The following CHL1 variants were observed in gnomAD, a reference collection of about 807,000 sequenced individuals.
The protein encoded by CHL1 is cell adhesion molecule L1 like.
A neutral mutation model predicts 141.9 loss-of-function variants in CHL1; 96 were observed. The ratio of observed to expected loss-of-function variants is 0.68; its 90% CI spans 0.57 to 0.80. The LOEUF (loss-of-function observed/expected upper bound fraction) is 0.80. CHL1 is among the 30% of genes least tolerant of loss of function. The pLI, the probability that CHL1 is intolerant of heterozygous loss-of-function variation, is 0.00. For synonymous variants in CHL1, 613 were observed against 502.2 expected (o/e 1.22, Z -2.95); for missense variants, 1,820 against 1,457.2 (o/e 1.25, Z -4.05).
In CHL1 at chr3:244,653, A is replaced by T. The variant is rs1487986856; in HGVS notation, c.-134A>T. 6.6e-6 allele frequency: 1 copy of T among 152,240 alleles called. No individual in the cohort carries two copies. Among genetic ancestry groups the T allele is most frequent in the Non-Finnish European group, 1.5e-5 (1 of 68,032 alleles). The allele number at this position is 152,240 out of a possible 1,614,324, so 9.4% of individuals were successfully genotyped here. On this transcript the variant is annotated 5_prime_UTR_variant, in exon 2 of 28. Transcript: ENST00000256509. ...AACCATAATCCTGTCTTAATACTGC[A>T]AACAAATCATAGTGGAACTAAGGGG...
intron 2 of CHL1, among the ~76,000 whole-genome samples, chr3:303,291 T>C (rs749373433): frequency 1.4e-5 from 2 of 145,092 alleles, no homozygotes; most frequent in Non-Finnish European, 3.1e-5. Context: ...AAGTCACTGG[T>C]AGCTTGATGG....
chr3:389,485 C>T lies in CHL1; in HGVS notation c.2470+11C>T. Reference sequence around the variant, plus strand: ...ATTCTGGAGAAGACTGTAAGTGATGCACCTAAAACTGCTAAGCACGTCAGT... The same window carrying T: ...ATTCTGGAGAAGACTGTAAGTGATGTACCTAAAACTGCTAAGCACGTCAGT... On this transcript the variant is annotated intron_variant, in intron 20 of 27. Coordinates refer to ENST00000256509, the MANE Select transcript of CHL1 (RefSeq NM_006614.4). 1 of 1,593,810 alleles carries T rather than the reference C, an allele frequency of 6.3e-7. No homozygotes were observed. Among genetic ancestry groups the T allele is most frequent in the Non-Finnish European group, 8.6e-7 (1 of 1,161,862 alleles).
chr3:341,883 C>A, intron 6 of CHL1, 29 bp from the exon 7 acceptor site: 1 of 1,529,826 alleles, frequency 6.5e-7, no homozygotes, highest in Non-Finnish European at 8.9e-7. Context: ...GACAATTGCC[C>A]TTTTCAATGG....
At chr3:304,090 T>C (rs116294962) in intron 2 of CHL1, among the ~76,000 whole-genome samples, 2,468 of 151,912 alleles carry the variant, frequency 0.016, 27 homozygotes, top group Non-Finnish European at 0.025. Context: ...TCGTACCTGG[T>C]GGTAAGCTTT....
intron 3 of CHL1, among the ~76,000 whole-genome samples, chr3:323,390 T>C (rs1700750355): frequency 6.6e-6 from 1 of 152,130 alleles, no homozygotes; most frequent in African/African-American, 2.4e-5. Context: ...AATGCATCAA[T>C]GTTTGGAAGA....
chr3:349,993 C>T (rs1703105459), intron 10 of CHL1, among the ~76,000 whole-genome samples: 1 of 152,118 alleles, frequency 6.6e-6, no homozygotes, highest in African/African-American at 2.4e-5. Flanking sequence ...AGGCTCTTCA[C>T]CAAAGAAGTG....
At chr3:381,255 C>G (rs937207736) in intron 16 of CHL1, among the ~76,000 whole-genome samples, 2 of 152,040 alleles carry the variant, frequency 1.3e-5, no homozygotes, top group Admixed American at 1.3e-4. Context: ...AACCCCAGAC[C>G]CCAGAGCCTG....
At chr3:229,160 T>C (rs946001881) in intron 1 of CHL1, among the ~76,000 whole-genome samples, 2 of 152,192 alleles carry the variant, frequency 1.3e-5, no homozygotes, top group African/African-American at 4.8e-5. Context: ...TATTTTAAGG[T>C]GGTGTTACAT....
rs773660061 is a variant in CHL1, at chr3:311,989, A to G, written c.-94-7694A>G. On this transcript the variant is annotated intron_variant, in intron 2 of 27. Transcript: ENST00000256509. ...TGTGAAACAATTTGAATTAGATGTCATTACAGTATACTATTTTTTAAGAAT... is the reference window on the plus strand; with the variant it reads ...TGTGAAACAATTTGAATTAGATGTCGTTACAGTATACTATTTTTTAAGAAT... Among the ~76,000 whole-genome samples, 38 of 152,190 alleles carry G rather than the reference A, an allele frequency of 2.5e-4. 1 individual carries two copies. The highest frequency in any genetic ancestry group is 8.8e-5 in the Non-Finnish European group (6 of 68,022).
chr3:281,388 T>A (rs1413270308), intron 2 of CHL1, among the ~76,000 whole-genome samples: 2 of 152,152 alleles, frequency 1.3e-5, no homozygotes, highest in Non-Finnish European at 2.9e-5. Context: ...GGTTCCTTAT[T>A]TGCCTTCACC....
In CHL1 at chr3:407,446, C is replaced by T. The variant is rs1427387721; in HGVS notation, c.*1735C>T. 6.6e-6 allele frequency: 1 copy of T among 152,122 alleles called. No homozygotes were observed. Among genetic ancestry groups the T allele is most frequent in the Non-Finnish European group, 1.5e-5 (1 of 68,058 alleles). The allele number at this position is 152,122 out of a possible 1,614,324, so 9.4% of individuals were successfully genotyped here. On this transcript the variant is annotated 3_prime_UTR_variant, in exon 28 of 28. Coordinates refer to ENST00000256509, the MANE Select transcript of CHL1 (RefSeq NM_006614.4). The stretch of plus-strand genomic sequence containing the variant: ...TATTTAAAACTGTAATTTATGGGCT[C>T]AGGATCTGACCGCAGTCCCGGGAGT...
chr3:220,165 G>A (rs1700704888), intron 1 of CHL1, among the ~76,000 whole-genome samples: 1 of 152,156 alleles, frequency 6.6e-6, no homozygotes, highest in Non-Finnish European at 1.5e-5. Context: ...GAGGGTGGTT[G>A]ACGACTGACA....
intron 2 of CHL1, among the ~76,000 whole-genome samples, chr3:290,951 A>T (rs1351996038): frequency 1.3e-5 from 2 of 151,200 alleles, no homozygotes; most frequent in African/African-American, 4.9e-5. Context: ...AAAAAAAAAG[A>T]AAGAAAGAAA....
chr3:328,823 A>G (rs770001340), intron 5 of CHL1, among the ~76,000 whole-genome samples: 14 of 152,116 alleles, frequency 9.2e-5, no homozygotes, highest in Non-Finnish European at 2.1e-4. Flanking sequence ...CATTTTGGTC[A>G]AAGAGTCTGG....
intron 5 of CHL1, among the ~76,000 whole-genome samples, chr3:332,292 T>G (rs750282778): frequency 9.9e-5 from 15 of 152,226 alleles, no homozygotes; most frequent in Non-Finnish European, 1.9e-4. Context: ...GTTTGAAATA[T>G]GTAAAACTGA....
intron 1 of CHL1, among the ~76,000 whole-genome samples, chr3:209,799 A>G (rs1372387738): frequency 2.0e-5 from 3 of 152,120 alleles, no homozygotes; most frequent in African/African-American, 4.8e-5. Context: ...AATCTTTTAA[A>G]CGGTTTCTTT....
At chr3:328,888 TGCAG>T (rs1197146253) in intron 5 of CHL1, among the ~76,000 whole-genome samples, 2 of 152,154 alleles carry the variant, frequency 1.3e-5, no homozygotes, top group Non-Finnish European at 2.9e-5. Flanking sequence ...CAAGAAGTTA[TGCAG>T]GCAACTCCTA....
intron 14 of CHL1, 79 bp from the exon 15 acceptor site, chr3:365,871 G>T: frequency 9.2e-7 from 1 of 1,091,432 alleles, no homozygotes; most frequent in Non-Finnish European, 1.3e-6. Flanking sequence ...TGACAATTTG[G>T]GTTACTTAAC....
chr3:247,321 A>C (rs546005182), intron 2 of CHL1: 17 of 152,090 alleles, frequency 1.1e-4, no homozygotes, highest in Non-Finnish European at 2.4e-4. Context: ...CACAAATGCA[A>C]TTTGCTTGAC....
Sources: gnomAD v4.1 joint callset for allele counts (sites outside exome capture counted in the v4.1 genomes callset) on GRCh38, gnomAD v4.1.1 for gene constraint, MANE v1.5 for transcripts, NCBI Gene and HGNC (gene_info 2026-07-23, HGNC 2026-07-21) for gene names.